MAOA: variants seen among roughly 807,000 people sequenced by gnomAD.
MAOA encodes the protein amine oxidase [flavin-containing] A.
A neutral mutation model predicts 42.0 loss-of-function variants in MAOA; 6 were observed. That is an observed-to-expected ratio of 0.14 (90% CI 0.08 to 0.28). The LOEUF (loss-of-function observed/expected upper bound fraction) is 0.28. Ranked by LOEUF, MAOA falls within the 10% of genes least tolerant of loss-of-function variation. The pLI, the probability that MAOA is intolerant of heterozygous loss-of-function variation, is 1.00. For missense variants in MAOA, 262 were observed against 422.3 expected (o/e 0.62, Z 3.33); for synonymous variants, 140 against 154.0 (o/e 0.91, Z 0.67).
At chrX:43,724,908 T>C (rs2033819831) in intron 5 of MAOA, among the ~76,000 whole-genome samples, 2 of 112,187 alleles carry the variant, frequency 1.8e-5, no homozygotes, top group Admixed American at 1.9e-4. Flanking sequence ...AACATCTTTA[T>C]TTCTGTCTTC....
intron 3 of MAOA, 132 bp from the exon 4 acceptor site, chrX:43,711,740 A>G: frequency 2.0e-6 from 1 of 512,299 alleles, no homozygotes; most frequent in South Asian, 2.7e-5. Context: ...ATCAAAGGTA[A>G]TGTTTCTGAC....
rs150456478 is a variant in MAOA at position 43,710,917 on chromosome X, A to T, written c.307-955A>T. On this transcript the variant is annotated intron_variant, in intron 3 of 14. Transcript: ENST00000338702. ...TGAGGCTGGAGGACCACACTTGAGGATGAGCAAAGAGCATGAGAGCTCTGG... is the reference window on the plus strand; with the variant it reads ...TGAGGCTGGAGGACCACACTTGAGGTTGAGCAAAGAGCATGAGAGCTCTGG... Among the ~76,000 whole-genome samples the T allele has an allele frequency of 6.5e-3, 729 of 112,455 alleles. 3 individuals are homozygous for T. The highest frequency in any genetic ancestry group is 0.011 in the Non-Finnish European group (570 of 53,322).
At chrX:43,675,279 C>T (rs377487355) in intron 1 of MAOA, among the ~76,000 whole-genome samples, 3 of 112,127 alleles carry the variant, frequency 2.7e-5, no homozygotes, top group Non-Finnish European at 3.8e-5. Flanking sequence ...CGAGCCTTGG[C>T]TTTCAGCTCC....
intron 2 of MAOA, among the ~76,000 whole-genome samples, chrX:43,691,120 C>A (rs1046908942): frequency 1.8e-5 from 2 of 111,491 alleles, no homozygotes; most frequent in South Asian, 3.8e-4. Flanking sequence ...GTGGGGCTCA[C>A]GCCTGTAATC....
At chrX:43,660,269 G>A (rs1174713432) in intron 1 of MAOA, among the ~76,000 whole-genome samples, 1 of 111,217 alleles carries the variant, frequency 9.0e-6, no homozygotes, top group African/African-American at 3.3e-5. Flanking sequence ...AAGCTACCTG[G>A]TTATGACCCC....
chrX:43,703,644 G>A (rs756326535), intron 3 of MAOA, among the ~76,000 whole-genome samples: 22 of 112,118 alleles, frequency 2.0e-4, no homozygotes, highest in African/African-American at 7.1e-4. Context: ...TATTTCTCAA[G>A]TGTTTTCTAA....
chrX:43,666,982 A>G (rs1262791675), intron 1 of MAOA, among the ~76,000 whole-genome samples: 18 of 69,433 alleles, frequency 2.6e-4, no homozygotes, highest in East Asian at 5.4e-4. Flanking sequence ...ATCACATACC[A>G]GGGTCTGTCA....
intron 1 of MAOA, among the ~76,000 whole-genome samples, chrX:43,666,284 A>T (rs772286315): frequency 8.9e-6 from 1 of 111,995 alleles, no homozygotes; most frequent in South Asian, 3.7e-4. Context: ...AAGACACTTG[A>T]TATTTCCCCA....
intron 2 of MAOA, among the ~76,000 whole-genome samples, chrX:43,687,915 GCCA>G (rs1370863165): frequency 8.9e-6 from 1 of 112,894 alleles, no homozygotes; most frequent in African/African-American, 3.2e-5. Context: ...CCTGGTGGGA[GCCA>G]CCATTATATC....
chrX:43,740,445 A>G (rs967307411), intron 10 of MAOA, among the ~76,000 whole-genome samples: 9 of 112,114 alleles, frequency 8.0e-5, no homozygotes, highest in Non-Finnish European at 1.1e-4. Context: ...AAAAAAGAAA[A>G]GAATAATTCC....
chrX:43,712,783 A>T lies in MAOA; in HGVS notation c.490A>T (p.Ile164Phe), dbSNP rs745842135. 19 of 1,202,729 alleles carry T rather than the reference A, an allele frequency of 1.6e-5. No homozygotes were observed. The highest frequency in any genetic ancestry group is 1.9e-5 in the Non-Finnish European group (17 of 887,299). The change falls in exon 5 of 15, where the codon ATC becomes TTC. Residue 164 changes from isoleucine (I) to phenylalanine (F), a missense_variant. Ile to Phe is a conservative substitution (Grantham distance 21). This residue lies in a region of MAOA where 141 missense variants were observed against 195.6 expected (regional missense o/e 0.72). Transcript: ENST00000338702. Reference protein sequence around the residue: ...KMTMKELIDKICWTKTARRFA... With the variant: ...KMTMKELIDKFCWTKTARRFA... ...GACCATGAAAGAGCTCATTGACAAA[A>T]TCTGCTGGACAAAGTAAGTAGACTT... is the stretch of plus-strand genomic sequence containing the variant.
chrX:43,684,827 G>T (rs1458650517), intron 2 of MAOA, among the ~76,000 whole-genome samples: 1 of 106,813 alleles, frequency 9.4e-6, no homozygotes, highest in Non-Finnish European at 1.9e-5. Context: ...CTTGCTTTTT[G>T]CTCTTCTTTC....
chrX:43,741,625 T>A (rs1167963369), intron 11 of MAOA, among the ~76,000 whole-genome samples: 1 of 111,450 alleles, frequency 9.0e-6, no homozygotes, highest in African/African-American at 3.3e-5. Context: ...ACAAGCTGAA[T>A]TGTTGATGGG....
rs2033992454 is a variant in MAOA at position 43,745,479 on chromosome X, C to A, written c.*966C>A. On this transcript the variant is annotated 3_prime_UTR_variant, in exon 15 of 15. Coordinates refer to ENST00000338702, the MANE Select transcript of MAOA (RefSeq NM_000240.4). ...CCATAAAATTAGACATACCTCTCAACTTACATATGTCTTCAACATGGTTAC... is the reference window on the plus strand; with the variant it reads ...CCATAAAATTAGACATACCTCTCAAATTACATATGTCTTCAACATGGTTAC... The A allele has an allele frequency of 8.9e-6, 1 of 112,135 alleles. No homozygotes were observed. Among genetic ancestry groups the A allele is most frequent in the African/African-American group, 3.2e-5 (1 of 30,852 alleles). 9.2% of individuals were successfully genotyped at this position (112,135 alleles called of 1,213,427 possible).
At chrX:43,684,874 C>CTTTTTTTTTTTTTTTTTTTTTTTTT (rs201207592) in intron 2 of MAOA, among the ~76,000 whole-genome samples, 2 of 59,638 alleles carry the variant, frequency 3.4e-5, no homozygotes, top group African/African-American at 1.2e-4. Context: ...CTTTTCTTTT[C>CTTTTTTTTTTTTTTTTTTTTTTTTT]TTTTTTTTTT....
intron 1 of MAOA, among the ~76,000 whole-genome samples, chrX:43,682,447 ACTC>A (rs1458414312): frequency 8.9e-6 from 1 of 111,957 alleles, no homozygotes; most frequent in Non-Finnish European, 1.9e-5. Context: ...AACTAACAGA[ACTC>A]CTAATAACCA....
At chrX:43,740,961 C>T (rs2033956626) in intron 11 of MAOA, among the ~76,000 whole-genome samples, 1 of 111,505 alleles carries the variant, frequency 9.0e-6, no homozygotes, top group Non-Finnish European at 1.9e-5. Context: ...TAAATGTTCA[C>T]TAGATAACTG....
chrX:43,743,617 C>A, intron 12 of MAOA, 177 bp from the exon 13 acceptor site: 1 of 505,219 alleles, frequency 2.0e-6, no homozygotes, highest in Non-Finnish European at 3.4e-6. Flanking sequence ...AGTTCAGATC[C>A]TCTATGCAGA....
chrX:43,740,342 G>A (rs2033950362), intron 10 of MAOA, among the ~76,000 whole-genome samples: 1 of 112,013 alleles, frequency 8.9e-6, no homozygotes, highest in African/African-American at 3.2e-5. Flanking sequence ...TATAGAATCA[G>A]TTCCTAAGAC....
Sources: allele counts gnomAD v4.1 joint callset (sites outside exome capture counted in the v4.1 genomes callset), GRCh38; gene constraint gnomAD v4.1.1; regional missense constraint gnomAD v4.1.1; transcripts MANE v1.5; gene names NCBI Gene and HGNC (gene_info 2026-07-23, HGNC 2026-07-21).